Variants in RWDD2B observed in about 807,000 individuals in gnomAD.
RWDD2B encodes RWD domain-containing protein 2B.
A neutral mutation model predicts 33.6 loss-of-function variants in RWDD2B; 36 were observed. The ratio of observed to expected loss-of-function variants is 1.07; its 90% CI spans 0.82 to 1.42. RWDD2B has a LOEUF of 1.42. Ranked by LOEUF, RWDD2B falls within the 40% of genes most tolerant of loss-of-function variation. RWDD2B has a pLI of 0.00. For synonymous variants in RWDD2B, 126 were observed against 133.1 expected, an observed-to-expected ratio of 0.95 and a Z score of 0.37; for missense variants, 364 against 377.5, an observed-to-expected ratio of 0.96 and a Z score of 0.30.
At chr21:29,018,138 T>G (rs1172161919) in intron 1 of RWDD2B, among the ~76,000 whole-genome samples, 1 of 152,194 alleles carries the variant, frequency 6.6e-6, no homozygotes, top group African/African-American at 2.4e-5. Flanking sequence ...GATAGGATTA[T>G]AGTGGTCAAG....
chr21:29,016,545 T>C (rs2084891173), intron 1 of RWDD2B, among the ~76,000 whole-genome samples: 1 of 151,560 alleles, frequency 6.6e-6, no homozygotes. Flanking sequence ...ATTACAGGCA[T>C]GAGCCACTGC....
At chr21:29,012,288 G>A (rs1240711771) in intron 1 of RWDD2B, among the ~76,000 whole-genome samples, 1 of 152,134 alleles carries the variant, frequency 6.6e-6, no homozygotes, top group East Asian at 1.9e-4. Flanking sequence ...ACAGCTCACT[G>A]AGAACGGGCC....
At chr21:29,018,382 T>C (rs2084900019) in intron 1 of RWDD2B, among the ~76,000 whole-genome samples, 1 of 152,234 alleles carries the variant, frequency 6.6e-6, no homozygotes, top group Admixed American at 6.5e-5. Context: ...CAGTTAGATG[T>C]ATAGTTTTGA....
In RWDD2B at chr21:29,007,760, C is replaced by A; in HGVS notation, c.725+1G>T. 1.9e-6 allele frequency: 3 copies of A among 1,611,096 alleles called. No homozygotes were observed. Among genetic ancestry groups the A allele is most frequent in the Non-Finnish European group, 2.5e-6 (3 of 1,178,764 alleles). ...CTTCATATACATATGTAAAAGCAAA[C>A]CTTGACCAGAATTCTTCACAGGCAC... On this transcript the variant is annotated splice_donor_variant, in intron 4 of 4. Transcript: ENST00000493196. LOFTEE classifies it high-confidence loss of function.
At position 29,019,333 on chromosome 21, in the gene RWDD2B, C is replaced by T; in HGVS notation, c.-56G>A. 3.8e-6 allele frequency: 5 copies of T among 1,308,762 alleles called. No individual in the cohort carries two copies. The highest frequency in any genetic ancestry group is 5.3e-6 in the Non-Finnish European group (5 of 949,864). The allele number at this position is 1,308,762 out of a possible 1,614,324, so 81.1% of individuals were successfully genotyped here. A position where few individuals can be genotyped will look rare whatever the true frequency, so the allele number is the denominator to read the frequency against. ...GCGACCCAAAACTTACAAACCGCCT[C>T]AGCTGGCGACCTACCGGAAAAAAAA... On this transcript the variant is annotated 5_prime_UTR_variant, in exon 1 of 5. Coordinates refer to ENST00000493196, the MANE Select transcript of RWDD2B (RefSeq NM_016940.3).
intron 1 of RWDD2B, among the ~76,000 whole-genome samples, chr21:29,015,234 T>TG (rs2084884265): frequency 1.4e-5 from 2 of 141,076 alleles, no homozygotes; most frequent in South Asian, 2.4e-4. Context: ...GTTTTTTTTT[T>TG]TTTTTTTTTT....
In RWDD2B at chr21:29,007,928, G is replaced by C; in HGVS notation, c.558C>G (p.Ile186Met). The C allele has an allele frequency of 6.2e-7, 1 of 1,614,222 alleles. No individual in the cohort carries two copies. Among genetic ancestry groups the C allele is most frequent in the South Asian group, 1.1e-5 (1 of 91,072 alleles). ...TGSTVQSVDL[I>M]FTRLWIYSHH... ...GGCTGTAGATCCAGAGTCTCGTGAA[G>C]ATGAGGTCAACTGACTGGACTGTGC... Residue 186 changes from isoleucine (I) to methionine (M), a missense_variant, in exon 4 of 5, where the codon ATC becomes ATG. Physicochemically the swap from Ile to Met is conservative, Grantham distance 10 (BLOSUM62 1). Transcript: ENST00000493196.
At position 29,008,580 on chromosome 21, in the gene RWDD2B, C is replaced by T. The variant is rs540928316; in HGVS notation, c.109G>A (p.Glu37Lys). 6 of 1,613,976 alleles carry T rather than the reference C, an allele frequency of 3.7e-6. No individual in the cohort carries two copies. In the East Asian group the frequency reaches 6.7e-5, roughly 18 times the overall value. The change falls in exon 2 of 5, where the codon GAG becomes AAG. Residue 37 changes from glutamate (E) to lysine (K), a missense_variant. Physicochemically the swap from Glu to Lys is moderately conservative, Grantham distance 56. Transcript: ENST00000493196. ...CPKMIEMEQA[E>K]AQLAELDLLA... Reference sequence around the variant, plus strand: ...AGGTCTAACTCAGCAAGCTGGGCCTCCGCCTGCTCCATCTCAATCATTTTT... The same window carrying T: ...AGGTCTAACTCAGCAAGCTGGGCCTTCGCCTGCTCCATCTCAATCATTTTT...
In RWDD2B at chr21:29,005,029, T is replaced by C. The variant is rs1176401572; in HGVS notation, c.*1388A>G. On this transcript the variant is annotated 3_prime_UTR_variant, in exon 5 of 5. Transcript: ENST00000493196. ...TGGTATCAACCTGCATCAACCTGCA[T>C]GCTAGCAAATTAGCAAATAATAAAT... 3 of 152,216 alleles carry C rather than the reference T, an allele frequency of 2.0e-5. No individual in the cohort carries two copies. The highest frequency in any genetic ancestry group is 4.4e-5 in the Non-Finnish European group (3 of 68,042). The allele number at this position is 152,216 out of a possible 1,614,324, so 9.4% of individuals were successfully genotyped here.
In RWDD2B at chr21:29,019,346, A is replaced by C; in HGVS notation, c.-69T>G. 1 of 1,055,794 alleles carries C rather than the reference A, an allele frequency of 9.5e-7. No individual in the cohort carries two copies. Among genetic ancestry groups the C allele is most frequent in the Non-Finnish European group, 1.3e-6 (1 of 774,034 alleles). The allele number at this position is 1,055,794 out of a possible 1,614,324, so 65.4% of individuals were successfully genotyped here. On this transcript the variant is annotated 5_prime_UTR_variant, in exon 1 of 5. Transcript: ENST00000493196. ...TACAAACCGCCTCAGCTGGCGACCT[A>C]CCGGAAAAAAAAAAAAAAAGCATGC... is the stretch of plus-strand genomic sequence containing the variant.
intron 1 of RWDD2B, 73 bp from the exon 2 acceptor site, chr21:29,008,694 C>G: frequency 2.1e-6 from 2 of 939,318 alleles, no homozygotes; most frequent in South Asian, 3.2e-5. Flanking sequence ...AACATGTGTA[C>G]TTACTAAAAT....
chr21:29,015,517 C>T (rs963693301), intron 1 of RWDD2B, among the ~76,000 whole-genome samples: 5 of 150,758 alleles, frequency 3.3e-5, no homozygotes, highest in African/African-American at 7.3e-5. Context: ...GTGTGAGCCG[C>T]CACACCTAGT....
At chr21:29,007,159 A>C (rs1223653378) in intron 4 of RWDD2B, among the ~76,000 whole-genome samples, 1 of 152,246 alleles carries the variant, frequency 6.6e-6, no homozygotes, top group Non-Finnish European at 1.5e-5. Context: ...CAGGGTATAC[A>C]GTTTGCAGCA....
chr21:29,011,233 T>G (rs1157626661), intron 1 of RWDD2B, among the ~76,000 whole-genome samples: 10 of 143,770 alleles, frequency 7.0e-5, no homozygotes, highest in African/African-American at 2.4e-4. Flanking sequence ...GAGCGCCTCT[T>G]CCCAGCCGCC....
At chr21:29,010,314 T>C (rs1219742642) in intron 1 of RWDD2B, among the ~76,000 whole-genome samples, 1 of 151,786 alleles carries the variant, frequency 6.6e-6, no homozygotes, top group Non-Finnish European at 1.5e-5. Context: ...TCTTAATACA[T>C]AGTTCCTTTT....
At chr21:29,009,852 G>T (rs2084848134) in intron 1 of RWDD2B, among the ~76,000 whole-genome samples, 1 of 152,072 alleles carries the variant, frequency 6.6e-6, no homozygotes, top group Admixed American at 6.6e-5. Context: ...TACAATGTGA[G>T]ATATATACAG....
intron 1 of RWDD2B, among the ~76,000 whole-genome samples, chr21:29,011,113 C>T (rs2084855976): frequency 6.6e-6 from 1 of 152,052 alleles, no homozygotes; most frequent in South Asian, 2.1e-4. Flanking sequence ...TGAGGAGCGT[C>T]TCTGCCCGGC....
At position 29,008,071 on chromosome 21, in the gene RWDD2B, C is replaced by T. The variant is rs756989469; in HGVS notation, c.415G>A (p.Ala139Thr). Residue 139 changes from alanine (A) to threonine (T), a missense_variant, in exon 4 of 5, where the codon GCA becomes ACA. Ala to Thr is a moderately conservative substitution (Grantham distance 58). Coordinates refer to ENST00000493196, the MANE Select transcript of RWDD2B (RefSeq NM_016940.3). ...QQTQLNTDLTAFLQKHCHGDV... is the reference protein window; with the variant it reads ...QQTQLNTDLTTFLQKHCHGDV... ...CCATGACAATGTTTTTGCAGGAATGCAGTCAGATCTGTGTTCAGCTGAGTC... is the reference window on the plus strand; with the variant it reads ...CCATGACAATGTTTTTGCAGGAATGTAGTCAGATCTGTGTTCAGCTGAGTC... The T allele has an allele frequency of 9.3e-6, 15 of 1,614,148 alleles. No individual in the cohort carries two copies. The South Asian group carries it at 1.3e-4, about 14-fold the overall frequency.
intron 1 of RWDD2B, 48 bp from the exon 2 acceptor site, chr21:29,008,669 AGAAAT>A (rs1420483205): frequency 8.1e-7 from 1 of 1,230,212 alleles, no homozygotes; most frequent in Non-Finnish European, 1.2e-6. Flanking sequence ...CAATCTTGGA[AGAAAT>A]GAATACATCA....
Sources: allele counts gnomAD v4.1 joint callset (sites outside exome capture counted in the v4.1 genomes callset), GRCh38; gene constraint gnomAD v4.1.1; transcripts MANE v1.5; gene names NCBI Gene and HGNC (gene_info 2026-07-23, HGNC 2026-07-21).